OSBP2: variants seen among roughly 807,000 people sequenced by gnomAD.
OSBP2 encodes oxysterol binding protein 2.
In OSBP2, 66 loss-of-function variants were observed where a neutral mutation model predicts 96.0. The observed-to-expected ratio is 0.69, with a 90% CI of 0.56 to 0.84. The LOEUF (loss-of-function observed/expected upper bound fraction) is 0.84. Ranked by LOEUF, OSBP2 falls within the 40% of genes least tolerant of loss-of-function variation. The pLI is 0.00. For missense variants in OSBP2, 1,038 were observed against 1,222.7 expected (o/e 0.85, Z 2.25); for synonymous variants, 525 against 520.9 (o/e 1.01, Z -0.11).
At chr22:30,737,403 A>G (rs2089872385) in intron 1 of OSBP2, among the ~76,000 whole-genome samples, 1 of 144,626 alleles carries the variant, frequency 6.9e-6, no homozygotes, top group Admixed American at 7.3e-5. Context: ...GGCTCACTGC[A>G]GCCTCTACTT....
intron 2 of OSBP2, among the ~76,000 whole-genome samples, chr22:30,850,074 G>A (rs748777008): frequency 6.6e-5 from 10 of 151,990 alleles, no homozygotes; most frequent in South Asian, 2.1e-4. Flanking sequence ...AGGCCGAGGC[G>A]GGTGGATCAT....
chr22:30,763,502 C>G (rs1272036659), intron 2 of OSBP2, among the ~76,000 whole-genome samples: 1 of 151,914 alleles, frequency 6.6e-6, no homozygotes, highest in Non-Finnish European at 1.5e-5. Context: ...AAAAATTATC[C>G]AGGTGTGGTG....
chr22:30,708,478 ATTTTTTTTTTTTTT>A (rs56361178), intron 1 of OSBP2, among the ~76,000 whole-genome samples: 5 of 63,458 alleles, frequency 7.9e-5, no homozygotes, highest in Non-Finnish European at 1.3e-4. Context: ...AAGGATAAGG[ATTTTTTTTTTTTTT>A]TTTTTTTTTT....
At chr22:30,765,440 C>A (rs2090258539) in intron 2 of OSBP2, among the ~76,000 whole-genome samples, 1 of 152,090 alleles carries the variant, frequency 6.6e-6, no homozygotes, top group South Asian at 2.1e-4. Flanking sequence ...AACTCCTGAC[C>A]TCAAGTGATC....
chr22:30,828,008 C>G (rs2038439989), intron 2 of OSBP2, among the ~76,000 whole-genome samples: 1 of 152,146 alleles, frequency 6.6e-6, no homozygotes, highest in African/African-American at 2.4e-5. Context: ...AAGGGGAAGG[C>G]TATGGCCTGG....
chr22:30,893,731 A>AAGGTAAG lies in OSBP2; in HGVS notation c.2189_2190+5dup. ...CTACTTCTCCAAAGAGGCAGCCCGG[A>AAGGTAAG]AGGTAAGCAGGACCAGCCACCTCTA... On this transcript the variant is annotated frameshift_variant and splice_region_variant, in exon 11 of 14. Coordinates refer to ENST00000332585, the MANE Select transcript of OSBP2 (RefSeq NM_030758.4). LOFTEE classifies it high-confidence loss of function. 1 of 1,614,022 alleles carries AAGGTAAG rather than the reference A, an allele frequency of 6.2e-7. No homozygotes were observed. Among genetic ancestry groups the AAGGTAAG allele is most frequent in the Non-Finnish European group, 8.5e-7 (1 of 1,179,914 alleles).
chr22:30,773,043 T>G (rs950136192), intron 2 of OSBP2: 3 of 152,118 alleles, frequency 2.0e-5, no homozygotes, highest in African/African-American at 7.2e-5. Context: ...CCACCTGCCT[T>G]GGCCTCCCAA....
intron 2 of OSBP2, among the ~76,000 whole-genome samples, chr22:30,760,437 A>G (rs894400258): frequency 6.6e-6 from 1 of 152,216 alleles, no homozygotes; most frequent in African/African-American, 2.4e-5. Flanking sequence ...AATACAATAG[A>G]ATATTACACC....
intron 2 of OSBP2, among the ~76,000 whole-genome samples, chr22:30,742,078 C>A (rs181178862): frequency 2.9e-4 from 44 of 151,998 alleles, no homozygotes; most frequent in African/African-American, 9.9e-4. Flanking sequence ...CTTCAGCCTC[C>A]CAAAGTACTG....
chr22:30,722,787 C>CTT (rs34874706), intron 1 of OSBP2, among the ~76,000 whole-genome samples: 2 of 95,888 alleles, frequency 2.1e-5, no homozygotes, highest in African/African-American at 4.1e-5. Flanking sequence ...CTCTCTCTGT[C>CTT]TTTTTTTTTT....
At chr22:30,737,516 T>TG (rs914099086) in intron 1 of OSBP2, among the ~76,000 whole-genome samples, 1 of 150,482 alleles carries the variant, frequency 6.6e-6, no homozygotes, top group Non-Finnish European at 1.5e-5. Context: ...TTTGTAGAAA[T>TG]GGGGGTCTTC....
At chr22:30,837,630 C>T (rs546090200) in intron 2 of OSBP2, among the ~76,000 whole-genome samples, 1 of 152,336 alleles carries the variant, frequency 6.6e-6, no homozygotes, top group Admixed American at 6.5e-5. Context: ...CACCCTGCAA[C>T]TCCCTGAGCA....
chr22:30,837,261 C>CA (rs34674333), intron 2 of OSBP2, among the ~76,000 whole-genome samples: 18,294 of 110,518 alleles, frequency 0.17, 1,315 homozygotes, highest in East Asian at 0.27. Context: ...GACTCTGTCT[C>CA]AAAAAAAAAA....
At chr22:30,696,677 G>A (rs1324041804) in intron 1 of OSBP2, among the ~76,000 whole-genome samples, 1 of 152,066 alleles carries the variant, frequency 6.6e-6, no homozygotes, top group Admixed American at 6.6e-5. Flanking sequence ...TTTTTGAGAC[G>A]GAGTATTGCT....
At chr22:30,720,944 G>A (rs2089538836) in intron 1 of OSBP2, among the ~76,000 whole-genome samples, 1 of 152,154 alleles carries the variant, frequency 6.6e-6, no homozygotes, top group South Asian at 2.1e-4. Context: ...TAGATGGGAG[G>A]CCTGGCACGG....
intron 12 of OSBP2, among the ~76,000 whole-genome samples, chr22:30,896,943 C>T (rs537672841): frequency 2.1e-4 from 32 of 152,228 alleles, no homozygotes; most frequent in Non-Finnish European, 4.0e-4. Context: ...CCACCATGCC[C>T]GGCCTAACTG....
At chr22:30,894,648 G>A (rs1162165936) in intron 12 of OSBP2, among the ~76,000 whole-genome samples, 1 of 152,230 alleles carries the variant, frequency 6.6e-6, no homozygotes, top group African/African-American at 2.4e-5. Context: ...AGTCCCAAAA[G>A]GAAAGAGGGA....
At position 30,881,927 on chromosome 22, in the gene OSBP2, C is replaced by T. The variant is rs1309796238; in HGVS notation, c.1108-5499C>T. On this transcript the variant is annotated intron_variant, in intron 3 of 13. Coordinates refer to ENST00000332585, the MANE Select transcript of OSBP2 (RefSeq NM_030758.4). This position sits in a 1 kb window ranked among gnomAD's most constrained non-coding sequence, Gnocchi z 4.5. ...ACATGAGGCCTTTGATATTAGGGCA[C>T]AGCAGTTTTCACCCTGCCCCGCTTT... 7.5e-6 allele frequency: 6 copies of T among 795,410 alleles called. No individual in the cohort carries two copies. The highest frequency in any genetic ancestry group is 1.1e-5 in the Non-Finnish European group (6 of 557,820). 49.3% of individuals were successfully genotyped at this position (795,410 alleles called of 1,614,324 possible).
chr22:30,838,995 C>T (rs1157904353), intron 2 of OSBP2, among the ~76,000 whole-genome samples: 1 of 100,788 alleles, frequency 9.9e-6, no homozygotes, highest in Non-Finnish European at 1.9e-5. Flanking sequence ...CCACCCTTCC[C>T]CCCTCCCCCC....
Sources: gnomAD v4.1 joint callset for allele counts (sites outside exome capture counted in the v4.1 genomes callset) on GRCh38, gnomAD v4.1.1 for gene constraint, Gnocchi (gnomAD v3.1) non-coding constraint, MANE v1.5 for transcripts, NCBI Gene and HGNC (gene_info 2026-07-23, HGNC 2026-07-21) for gene names.